HNMT: variants seen among roughly 807,000 people sequenced by gnomAD.
HNMT encodes histamine N-methyltransferase.
HNMT carries 30 observed loss-of-function variants against 32.1 expected under a neutral mutation model. The observed-to-expected ratio is 0.93, with a 90% CI of 0.70 to 1.27. HNMT has a LOEUF of 1.27. Ranked by LOEUF, HNMT falls within the 50% of genes most tolerant of loss-of-function variation. HNMT has a pLI of 0.00. For synonymous variants in HNMT, 125 were observed against 119.0 expected, an observed-to-expected ratio of 1.05 and a Z score of -0.33; for missense variants, 327 against 346.0, an observed-to-expected ratio of 0.95 and a Z score of 0.43.
chr2:137,971,731 A>G (rs1408494035), intron 2 of HNMT, among the ~76,000 whole-genome samples: 2 of 152,184 alleles, frequency 1.3e-5, no homozygotes, highest in African/African-American at 4.8e-5. Context: ...AGTGAAGGCT[A>G]TTCCCTTCTG....
Position 137,975,105 on chromosome 2 carries a change from T to C in HNMT, c.190+4888T>C, listed in dbSNP as rs532630493. On this transcript the variant is annotated intron_variant, in intron 2 of 5. Transcript: ENST00000280097. ...ATTTAATAGTTAATTCTTAACCTGG[T>C]AAGGGAGAAAGTGTCTGAGACAGCT... is the stretch of plus-strand genomic sequence containing the variant. 7.0e-4 allele frequency among the ~76,000 whole-genome samples: 106 copies of C among 152,284 alleles called. 2 individuals carry two copies. Among genetic ancestry groups the C allele is most frequent in the Middle Eastern group, 6.8e-3 (2 of 294 alleles).
At chr2:137,981,383 C>A in intron 2 of HNMT, 1 of 1,608,776 alleles carries the variant, frequency 6.2e-7, no homozygotes, top group South Asian at 1.1e-5. Context: ...TCCCTCATTC[C>A]TAGTTTCCTT....
intron 2 of HNMT, among the ~76,000 whole-genome samples, chr2:137,973,069 T>C (rs1011599968): frequency 6.6e-6 from 1 of 152,142 alleles, no homozygotes; most frequent in African/African-American, 2.4e-5. Context: ...TGGGTGCCCT[T>C]TAAGGTCACT....
In HNMT at chr2:138,007,235, A is replaced by G. The variant is rs185021833; in HGVS notation, c.523+2010A>G. ...AGTAGAAGAAAGATTTCGATATTTT[A>G]TTTGGGGCTTTCTACGTCTCTCTCT... is the stretch of plus-strand genomic sequence containing the variant. On this transcript the variant is annotated intron_variant, in intron 5 of 5. Coordinates refer to ENST00000280097, the MANE Select transcript of HNMT (RefSeq NM_006895.3). Among the ~76,000 whole-genome samples, 61 of 152,160 alleles carry G rather than the reference A, an allele frequency of 4.0e-4. 1 individual carries two copies. The East Asian group carries it at 8.5e-3, about 21-fold the overall frequency.
At chr2:138,008,480 T>C (rs972087823) in intron 5 of HNMT, among the ~76,000 whole-genome samples, 1 of 151,988 alleles carries the variant, frequency 6.6e-6, no homozygotes. Context: ...GACAGAATGA[T>C]TAATATTCCT....
chr2:137,998,137 T>G (rs1681051415), intron 2 of HNMT, among the ~76,000 whole-genome samples: 1 of 151,894 alleles, frequency 6.6e-6, no homozygotes, highest in Non-Finnish European at 1.5e-5. Flanking sequence ...CCATTCTTTC[T>G]CAGAAGAAAT....
At chr2:137,984,097 C>T (rs531554349) in intron 2 of HNMT, among the ~76,000 whole-genome samples, 4 of 152,262 alleles carry the variant, frequency 2.6e-5, no homozygotes, top group South Asian at 2.1e-4. Flanking sequence ...TGTGCATCCA[C>T]CACAATTTTT....
intron 2 of HNMT, among the ~76,000 whole-genome samples, chr2:137,989,722 T>C (rs1680762532): frequency 6.6e-6 from 1 of 152,224 alleles, no homozygotes; most frequent in Admixed American, 6.5e-5. Context: ...CAGCAGCGAA[T>C]GAGAGTTCCT....
At chr2:137,968,115 T>A (rs1162742779) in intron 1 of HNMT, among the ~76,000 whole-genome samples, 1 of 152,146 alleles carries the variant, frequency 6.6e-6, no homozygotes, top group East Asian at 1.9e-4. Context: ...ATGATTTGTT[T>A]CCCTATAGAG....
Position 138,002,090 on chromosome 2 carries a change from G to C in HNMT, c.325G>C (p.Glu109Gln), listed in dbSNP as rs528223406. ...KELVAKTSNL[E>Q]NVKFAWHKET... ...GCTTGTAGCCAAGACATCGAACCTC[G>C]AGAACGTAAAGTTTGCTTGGCATAA... Residue 109 changes from glutamate (E) to glutamine (Q), a missense_variant, in exon 4 of 6, where the codon GAG becomes CAG. By Grantham distance (29) the Glu-to-Gln change is conservative. Coordinates refer to ENST00000280097, the MANE Select transcript of HNMT (RefSeq NM_006895.3). 4.4e-6 allele frequency: 7 copies of C among 1,593,070 alleles called. No homozygotes were observed. In the South Asian group the frequency reaches 8.1e-5, roughly 18 times the overall value.
At chr2:137,976,647 CAT>C (rs1371053087) in intron 2 of HNMT, among the ~76,000 whole-genome samples, 1 of 152,100 alleles carries the variant, frequency 6.6e-6, no homozygotes, top group Non-Finnish European at 1.5e-5. Context: ...TATGCAGCAT[CAT>C]AGCAGTTAAC....
At chr2:137,994,812 C>T (rs1050637549) in intron 2 of HNMT, among the ~76,000 whole-genome samples, 10 of 152,312 alleles carry the variant, frequency 6.6e-5, no homozygotes, top group African/African-American at 2.4e-4. Flanking sequence ...GAAATCATAA[C>T]AGTCTCTCAG....
chr2:137,981,120 T>C, intron 2 of HNMT: 1 of 1,370,414 alleles, frequency 7.3e-7, no homozygotes, highest in Non-Finnish European at 9.7e-7. Flanking sequence ...GCTGATAATA[T>C]ATATTTTGAT....
intron 4 of HNMT, among the ~76,000 whole-genome samples, chr2:138,003,640 C>T (rs562952576): frequency 6.6e-6 from 1 of 152,186 alleles, no homozygotes; most frequent in African/African-American, 2.4e-5. Flanking sequence ...CATAACTCCC[C>T]TGTCTCCTTA....
intron 2 of HNMT, among the ~76,000 whole-genome samples, chr2:137,971,932 C>T (rs573263248): frequency 1.3e-5 from 2 of 152,156 alleles, no homozygotes; most frequent in Non-Finnish European, 1.5e-5. Flanking sequence ...GGTTACAACT[C>T]GATATCAAGT....
At chr2:137,982,361 G>T (rs1054493836) in intron 2 of HNMT, among the ~76,000 whole-genome samples, 1 of 152,146 alleles carries the variant, frequency 6.6e-6, no homozygotes, top group African/African-American at 2.4e-5. Flanking sequence ...TTCATTGAAT[G>T]TAAGTGTGAT....
intron 1 of HNMT, among the ~76,000 whole-genome samples, chr2:137,966,439 A>C (rs1679959118): frequency 1.3e-5 from 2 of 152,208 alleles, no homozygotes; most frequent in Admixed American, 1.3e-4. Context: ...TAGCTAAGTA[A>C]GCATGCATAT....
In HNMT at chr2:137,964,813, G is replaced by A. The variant is rs188914596; in HGVS notation, c.137+185G>A. ...TTCTCCTGCAGTGCTTTGGTTCCAC[G>A]TTTGCTTTGAACACTCAAAGGCTCC... On this transcript the variant is annotated intron_variant, in intron 1 of 5. Coordinates refer to ENST00000280097, the MANE Select transcript of HNMT (RefSeq NM_006895.3). 2.0e-3 allele frequency among the ~76,000 whole-genome samples: 298 copies of A among 152,232 alleles called. 1 individual carries two copies. The highest frequency in any genetic ancestry group is 6.7e-3 in the African/African-American group (280 of 41,530).
chr2:137,982,573 A>C (rs1227360238), intron 2 of HNMT, among the ~76,000 whole-genome samples: 1 of 152,210 alleles, frequency 6.6e-6, no homozygotes, highest in Non-Finnish European at 1.5e-5. Context: ...GTTTTCATTA[A>C]CTTCCCAAAT....
Sources: gnomAD v4.1 joint callset for allele counts (sites outside exome capture counted in the v4.1 genomes callset) on GRCh38, gnomAD v4.1.1 for gene constraint, MANE v1.5 for transcripts, NCBI Gene and HGNC (gene_info 2026-07-23, HGNC 2026-07-21) for gene names.